The following MAD1L1 variants were observed in gnomAD, a reference collection of about 807,000 sequenced individuals.
MAD1L1 encodes the protein mitotic spindle assembly checkpoint protein MAD1.
A neutral mutation model predicts 96.9 loss-of-function variants in MAD1L1; 95 were observed. That is an observed-to-expected ratio of 0.98 (90% CI 0.83 to 1.16). The LOEUF (loss-of-function observed/expected upper bound fraction) is 1.16, where lower values mean the gene tolerates loss of function less well. Ranked by LOEUF, MAD1L1 falls within the 50% of genes most tolerant of loss-of-function variation. The pLI, the probability that MAD1L1 is intolerant of heterozygous loss-of-function variation, is 0.00. For missense variants in MAD1L1, 1,007 were observed against 954.4 expected, an observed-to-expected ratio of 1.06 and a Z score of -0.73; for synonymous variants, 473 against 396.6, an observed-to-expected ratio of 1.19 and a Z score of -2.29.
intron 11 of MAD1L1, among the ~76,000 whole-genome samples, chr7:2,074,670 C>A (rs958013752): frequency 6.6e-6 from 1 of 152,252 alleles, no homozygotes; most frequent in African/African-American, 2.4e-5. Flanking sequence ...CAGGCACTCC[C>A]TGGCGAAGCG....
At chr7:1,834,695 A>G (rs1782860975) in intron 18 of MAD1L1, among the ~76,000 whole-genome samples, 1 of 152,234 alleles carries the variant, frequency 6.6e-6, no homozygotes, top group Non-Finnish European at 1.5e-5. Flanking sequence ...CTATTTAAAA[A>G]AGAAATAATA....
chr7:1,925,575 C>G (rs571919290), intron 17 of MAD1L1, among the ~76,000 whole-genome samples: 41 of 152,226 alleles, frequency 2.7e-4, no homozygotes, highest in Non-Finnish European at 5.0e-4. Flanking sequence ...AGCACGAATC[C>G]ACTCACCAAG....
chr7:1,934,257 A>G (rs1789649108), intron 17 of MAD1L1, among the ~76,000 whole-genome samples: 1 of 152,138 alleles, frequency 6.6e-6, no homozygotes, highest in East Asian at 1.9e-4. Context: ...CAGCTCAGAC[A>G]CGCCTCTTCG....
intron 12 of MAD1L1, among the ~76,000 whole-genome samples, chr7:2,060,226 CCGAGA>C (rs1784586626): frequency 7.7e-6 from 1 of 129,622 alleles, no homozygotes; most frequent in Non-Finnish European, 1.5e-5. Flanking sequence ...TACGCCGATG[CCGAGA>C]TACGCCGATG....
At position 1,871,935 on chromosome 7, in the gene MAD1L1, G is replaced by A. The variant is rs1405013089; in HGVS notation, c.1998+26265C>T. ...ATGAGAAGAGAGGGGGCAGAACTACGGTGGCTCAGAGCCCACAGGACAGAG... is the reference window on the plus strand; with the variant it reads ...ATGAGAAGAGAGGGGGCAGAACTACAGTGGCTCAGAGCCCACAGGACAGAG... On this transcript the variant is annotated intron_variant, in intron 18 of 18. Transcript: ENST00000265854. Among the ~76,000 whole-genome samples, 12 of 152,294 alleles carry A rather than the reference G, an allele frequency of 7.9e-5. 1 individual carries two copies. The highest frequency in any genetic ancestry group is 3.4e-3 in the Middle Eastern group (1 of 294).
chr7:2,067,269 T>G (rs908754426), intron 12 of MAD1L1, among the ~76,000 whole-genome samples: 2 of 148,700 alleles, frequency 1.3e-5, no homozygotes, highest in African/African-American at 2.5e-5. Flanking sequence ...GCACCCGGGG[T>G]CATCAGGCCA....
chr7:2,068,479 T>C (rs980573623), intron 12 of MAD1L1, among the ~76,000 whole-genome samples: 8 of 152,216 alleles, frequency 5.3e-5, no homozygotes, highest in Admixed American at 6.5e-5. Flanking sequence ...AGGTGCAGCA[T>C]GCATCCTGGG....
intron 17 of MAD1L1, among the ~76,000 whole-genome samples, chr7:1,919,229 G>A (rs936681958): frequency 1.3e-5 from 2 of 152,254 alleles, no homozygotes; most frequent in African/African-American, 4.8e-5. Context: ...GGTCCACCCA[G>A]ACCCCCAACT....
chr7:2,063,406 T>G (rs1026449086), intron 12 of MAD1L1, among the ~76,000 whole-genome samples: 1 of 152,216 alleles, frequency 6.6e-6, no homozygotes, highest in Non-Finnish European at 1.5e-5. Flanking sequence ...AGCCAGTGAC[T>G]TGAAGTGGCA....
rs985212319 is a variant in MAD1L1 at position 2,142,720 on chromosome 7, C to T, written c.1073+6432G>A. On this transcript the variant is annotated intron_variant, in intron 11 of 18. Coordinates refer to ENST00000265854, the MANE Select transcript of MAD1L1 (RefSeq NM_001013836.2). The surrounding 1 kb of genome is among the most constrained non-coding windows in gnomAD (Gnocchi z 4.7). ...TACATCGAGTGGCGCCAAAGCCGAA[C>T]GGACGCAACAAGGCCTCTGGCCATG... 3.3e-5 allele frequency among the ~76,000 whole-genome samples: 5 copies of T among 152,222 alleles called. No individual in the cohort carries two copies. The highest frequency in any genetic ancestry group is 5.9e-5 in the Non-Finnish European group (4 of 68,036).
chr7:1,837,931 G>A (rs1306651327), intron 18 of MAD1L1, among the ~76,000 whole-genome samples: 3 of 152,250 alleles, frequency 2.0e-5, no homozygotes, highest in Admixed American at 6.5e-5. Context: ...GCAGGAGGAG[G>A]TGGTGGCATC....
At position 2,220,982 on chromosome 7, in the gene MAD1L1, C is replaced by T. The variant is rs1345765056; in HGVS notation, c.472-1526G>A. On this transcript the variant is annotated intron_variant, in intron 5 of 18. Transcript: ENST00000265854. Reference sequence around the variant, plus strand: ...CCGGACAGTTGGCAAGGAAGAGGCGCATAAGATAATTCCAGAGTAAGGAGC... The same window carrying T: ...CCGGACAGTTGGCAAGGAAGAGGCGTATAAGATAATTCCAGAGTAAGGAGC... 3.1e-6 allele frequency: 5 copies of T among 1,612,536 alleles called. No homozygotes were observed. The African/African-American group carries it at 5.3e-5, about 17-fold the overall frequency.
chr7:2,146,603 C>T lies in MAD1L1; in HGVS notation c.1073+2549G>A, dbSNP rs888592881. Among the ~76,000 whole-genome samples, 3 of 152,222 alleles carry T rather than the reference C, an allele frequency of 2.0e-5. No individual in the cohort carries two copies. Among genetic ancestry groups the T allele is most frequent in the African/African-American group, 4.8e-5 (2 of 41,460 alleles). ...ATGCCCAGCAGCTGCTCTCATGACC[C>T]GTGACCTCAGCTGGACCAGGGCTCT... is the stretch of plus-strand genomic sequence containing the variant. On this transcript the variant is annotated intron_variant, in intron 11 of 18. Coordinates refer to ENST00000265854, the MANE Select transcript of MAD1L1 (RefSeq NM_001013836.2). The surrounding 1 kb of genome is among the most constrained non-coding windows in gnomAD (Gnocchi z 6.2).
intron 17 of MAD1L1, among the ~76,000 whole-genome samples, chr7:1,919,832 T>G: frequency 6.6e-6 from 1 of 152,288 alleles, no homozygotes; most frequent in Middle Eastern, 3.4e-3. Flanking sequence ...AGGAGCAACT[T>G]TGCTTTGGAA....
intron 13 of MAD1L1, among the ~76,000 whole-genome samples, chr7:2,014,218 G>T (rs1023483495): frequency 1.3e-5 from 2 of 152,198 alleles, no homozygotes; most frequent in African/African-American, 4.8e-5. Flanking sequence ...TCATGAGGCG[G>T]TCCTAACCAG....
At chr7:2,073,821 G>A (rs567974048) in intron 11 of MAD1L1, among the ~76,000 whole-genome samples, 5 of 152,302 alleles carry the variant, frequency 3.3e-5, no homozygotes, top group African/African-American at 9.6e-5. Flanking sequence ...GAACGGAGAT[G>A]GGAGAAGTGA....
chr7:2,074,794 C>A (rs1008282618), intron 11 of MAD1L1, among the ~76,000 whole-genome samples: 2 of 152,214 alleles, frequency 1.3e-5, no homozygotes, highest in Admixed American at 6.5e-5. Flanking sequence ...ATCAGCAAAC[C>A]AGCAAGCAGG....
chr7:2,232,462 T>C (rs1254800289), intron 1 of MAD1L1, among the ~76,000 whole-genome samples: 1 of 152,188 alleles, frequency 6.6e-6, no homozygotes, highest in Non-Finnish European at 1.5e-5. Context: ...CAGCCCCGAC[T>C]TCTCCACCAG....
chr7:1,866,798 G>C (rs571364109), intron 18 of MAD1L1, among the ~76,000 whole-genome samples: 57 of 152,328 alleles, frequency 3.7e-4, no homozygotes, highest in African/African-American at 1.3e-3. Flanking sequence ...ACCATGACTG[G>C]GGAAGCAGCA....
Sources: gnomAD v4.1 joint callset for allele counts (sites outside exome capture counted in the v4.1 genomes callset) on GRCh38, gnomAD v4.1.1 for gene constraint, Gnocchi (gnomAD v3.1) non-coding constraint, MANE v1.5 for transcripts, NCBI Gene and HGNC (gene_info 2026-07-23, HGNC 2026-07-21) for gene names.